The following ERC2 variants were observed in gnomAD, a reference collection of about 807,000 sequenced individuals.
ERC2 encodes ELKS/RAB6-interacting/CAST family member 2, also known as ERC protein 2.
Under a neutral mutation model 114.8 loss-of-function variants are expected in ERC2, and 42 were observed. That is an observed-to-expected ratio of 0.37 (90% CI 0.29 to 0.47). The LOEUF is 0.47. ERC2 is among the 20% of genes least tolerant of loss of function. The pLI, the probability that ERC2 is intolerant of heterozygous loss-of-function variation, is 0.99. For missense variants in ERC2, 939 were observed against 1,150.7 expected, an observed-to-expected ratio of 0.82 and a Z score of 2.66; for synonymous variants, 454 against 425.5, an observed-to-expected ratio of 1.07 and a Z score of -0.82.
At chr3:55,928,022 G>A (rs1174734746) in intron 13 of ERC2, among the ~76,000 whole-genome samples, 1 of 152,114 alleles carries the variant, frequency 6.6e-6, no homozygotes, top group Non-Finnish European at 1.5e-5. Context: ...TAGACACTTA[G>A]GTTCCTTCCA....
At chr3:55,865,110 AG>A (rs2062238608) in intron 14 of ERC2, among the ~76,000 whole-genome samples, 2 of 152,070 alleles carry the variant, frequency 1.3e-5, no homozygotes, top group East Asian at 3.9e-4. Context: ...CTACTGAAAA[AG>A]CCCTTTGTAT....
At chr3:55,757,281 A>G (rs935960025) in intron 14 of ERC2, among the ~76,000 whole-genome samples, 2 of 152,116 alleles carry the variant, frequency 1.3e-5, no homozygotes, top group Non-Finnish European at 2.9e-5. Context: ...CAAAAAACAC[A>G]GCACGATATT....
intron 6 of ERC2, among the ~76,000 whole-genome samples, chr3:56,117,603 G>A (rs918690138): frequency 5.8e-4 from 89 of 152,314 alleles, no homozygotes; most frequent in African/African-American, 2.1e-3. Context: ...ACTCCCTCAA[G>A]GGGGTGTTGT....
At chr3:56,163,676 T>C (rs113329161) in intron 4 of ERC2, among the ~76,000 whole-genome samples, 181 of 152,190 alleles carry the variant, frequency 1.2e-3, no homozygotes, top group African/African-American at 4.3e-3. Context: ...ATAAGAATAG[T>C]GACCCCTGCT....
Position 55,880,512 on chromosome 3 carries a change from C to T in ERC2, c.2564+7877G>A, listed in dbSNP as rs111733992. Among the ~76,000 whole-genome samples, 1,097 of 152,190 alleles carry T rather than the reference C, an allele frequency of 7.2e-3. 11 individuals are homozygous for T. The highest frequency in any genetic ancestry group is 0.025 in the African/African-American group (1,034 of 41,524). On this transcript the variant is annotated intron_variant, in intron 14 of 17. Coordinates refer to ENST00000288221, the MANE Select transcript of ERC2 (RefSeq NM_015576.3). ...TTTATGTCACTGCCTGCAGCTAAAACCAAAATTGGTTTTGAATGAGTCATT... is the reference window on the plus strand; with the variant it reads ...TTTATGTCACTGCCTGCAGCTAAAATCAAAATTGGTTTTGAATGAGTCATT...
chr3:55,617,307 A>G (rs982733457), intron 17 of ERC2, among the ~76,000 whole-genome samples: 1 of 152,216 alleles, frequency 6.6e-6, no homozygotes, highest in South Asian at 2.1e-4. Flanking sequence ...CTTTTTCATC[A>G]AATGTCCTTC....
intron 12 of ERC2, among the ~76,000 whole-genome samples, chr3:55,962,586 A>G (rs1346655501): frequency 6.6e-6 from 1 of 152,234 alleles, no homozygotes; most frequent in Non-Finnish European, 1.5e-5. Context: ...GCAAATGCTC[A>G]TATTACTTAC....
chr3:56,144,983 A>G (rs536802167), intron 5 of ERC2, among the ~76,000 whole-genome samples: 1 of 152,340 alleles, frequency 6.6e-6, no homozygotes, highest in South Asian at 2.1e-4. Context: ...TGTGACAGCC[A>G]GAAGAAAAGC....
intron 13 of ERC2, among the ~76,000 whole-genome samples, chr3:55,900,022 C>G (rs1022521647): frequency 6.6e-6 from 1 of 152,148 alleles, no homozygotes; most frequent in Admixed American, 6.5e-5. Context: ...GTTACAATGG[C>G]AGCTAACTTT....
At chr3:55,933,498 T>A (rs1056298640) in intron 13 of ERC2, among the ~76,000 whole-genome samples, 1 of 152,240 alleles carries the variant, frequency 6.6e-6, no homozygotes, top group East Asian at 1.9e-4. Context: ...GTTTCTAAAA[T>A]TTATTTCATG....
rs997575444 is a variant in ERC2 at position 56,232,667 on chromosome 3, T to G, written c.1075-59147A>C. Among the ~76,000 whole-genome samples the G allele has an allele frequency of 2.0e-5, 3 of 152,220 alleles. No homozygotes were observed. The East Asian group carries it at 5.8e-4, about 29-fold the overall frequency. On this transcript the variant is annotated intron_variant, in intron 3 of 17. Transcript: ENST00000288221. ...ACTGAAAGTGAAGTGGCCAGGGCCA[T>G]GATGTTGCTCTGCTATCCTCTATCA...
At chr3:56,437,319 C>T (rs2062066791) in intron 1 of ERC2, among the ~76,000 whole-genome samples, 1 of 152,254 alleles carries the variant, frequency 6.6e-6, no homozygotes, top group South Asian at 2.1e-4. Flanking sequence ...GCCTAGCCAA[C>T]CAGCCACTGC....
intron 11 of ERC2, among the ~76,000 whole-genome samples, chr3:55,989,663 G>T (rs2070904606): frequency 6.6e-6 from 1 of 152,144 alleles, no homozygotes; most frequent in South Asian, 2.1e-4. Context: ...ATTCTTATGA[G>T]CTCTGCAACC....
At chr3:55,987,924 A>G (rs1351087146) in intron 11 of ERC2, among the ~76,000 whole-genome samples, 1 of 152,164 alleles carries the variant, frequency 6.6e-6, no homozygotes, top group African/African-American at 2.4e-5. Flanking sequence ...TGAGGGCTCA[A>G]TTTGGGCATT....
intron 7 of ERC2, among the ~76,000 whole-genome samples, chr3:56,027,477 T>G (rs2149611058): frequency 6.6e-6 from 1 of 152,278 alleles, no homozygotes; most frequent in South Asian, 2.1e-4. Context: ...CCCCACAAAC[T>G]TTTGGTGTTA....
At chr3:55,814,880 C>T (rs901070305) in intron 14 of ERC2, among the ~76,000 whole-genome samples, 3 of 152,208 alleles carry the variant, frequency 2.0e-5, no homozygotes, top group African/African-American at 7.2e-5. Context: ...AAGAAGTCTG[C>T]TCTTTACCCC....
chr3:56,305,985 G>T (rs2056202190), intron 2 of ERC2, among the ~76,000 whole-genome samples: 1 of 152,106 alleles, frequency 6.6e-6, no homozygotes, highest in African/African-American at 2.4e-5. Context: ...ACGTAGCTGG[G>T]ACTACAGGCA....
At chr3:56,121,943 C>T (rs2079604269) in intron 6 of ERC2, among the ~76,000 whole-genome samples, 1 of 152,186 alleles carries the variant, frequency 6.6e-6, no homozygotes, top group African/African-American at 2.4e-5. Context: ...ATGGATCCCA[C>T]CTACAGCTCA....
At chr3:56,453,715 C>A (rs1453813370) in intron 1 of ERC2, among the ~76,000 whole-genome samples, 2 of 152,184 alleles carry the variant, frequency 1.3e-5, no homozygotes, top group Non-Finnish European at 2.9e-5. Flanking sequence ...CAAATGTATT[C>A]TCTTTATCAT....
Sources: allele counts gnomAD v4.1 joint callset (sites outside exome capture counted in the v4.1 genomes callset), GRCh38; gene constraint gnomAD v4.1.1; transcripts MANE v1.5; gene names NCBI Gene and HGNC (gene_info 2026-07-23, HGNC 2026-07-21).